The following STPG1 variants were observed in gnomAD, a reference collection of about 807,000 sequenced individuals.
STPG1 encodes O(6)-methylguanine-induced apoptosis 2.
In STPG1, 33 loss-of-function variants were observed where a neutral mutation model predicts 40.1. That is an observed-to-expected ratio of 0.82 (90% CI 0.62 to 1.10). The LOEUF (loss-of-function observed/expected upper bound fraction) is 1.10, where lower values mean the gene tolerates loss of function less well. Among genes scored for constraint, STPG1 ranks in the 50% least tolerant of loss-of-function variants. The pLI is 0.00. For synonymous variants in STPG1, 150 were observed against 155.0 expected, an observed-to-expected ratio of 0.97 and a Z score of 0.24; for missense variants, 396 against 415.1, an observed-to-expected ratio of 0.95 and a Z score of 0.40.
Position 24,379,228 on chromosome 1 carries a change from C to T in STPG1, c.462+425G>A, listed in dbSNP as rs890399320. ...GTGAATACAAAGCGATCATAATTGG[C>T]ACAGCAGGGCACGACTGTTAAAACA... is the stretch of plus-strand genomic sequence containing the variant. On this transcript the variant is annotated intron_variant, in intron 5 of 8. Coordinates refer to ENST00000337248, the MANE Select transcript of STPG1 (RefSeq NM_001199013.2). The T allele has an allele frequency of 2.8e-5, 5 of 178,380 alleles. No individual in the cohort carries two copies. In the South Asian group the frequency reaches 5.1e-4, roughly 18 times the overall value. The allele number at this position is 178,380 out of a possible 1,614,324, so 11.0% of individuals were successfully genotyped here. A position where few individuals can be genotyped will look rare whatever the true frequency, so the allele number is the denominator to read the frequency against.
At chr1:24,392,923 A>G (rs1246800786) in intron 2 of STPG1, among the ~76,000 whole-genome samples, 3 of 152,194 alleles carry the variant, frequency 2.0e-5, no homozygotes, top group Admixed American at 2.0e-4. Flanking sequence ...GGTGGTTTGT[A>G]TGGAAACTAT....
In STPG1 at chr1:24,373,748, T is replaced by A; in HGVS notation, c.525A>T (p.Lys175Asn). ...CAAAAGCGAAAGATCCTCTTTGGGTTTTTGACATAAACCCGGCTCGAGTAC... is the reference window on the plus strand; with the variant it reads ...CAAAAGCGAAAGATCCTCTTTGGGTATTTGACATAAACCCGGCTCGAGTAC... ...NVCTRAGFMSKTQRGSFAFAD... is the reference protein window; with the variant it reads ...NVCTRAGFMSNTQRGSFAFAD... Residue 175 changes from lysine to asparagine, a missense_variant, in exon 6 of 9, where the codon AAA (lysine) becomes AAT (asparagine). Coordinates refer to ENST00000337248, the MANE Select transcript of STPG1 (RefSeq NM_001199013.2). 2 of 1,612,876 alleles carry A rather than the reference T, an allele frequency of 1.2e-6. No homozygotes were observed.
Position 24,369,912 on chromosome 1 carries a change from A to C in STPG1, c.572-73T>G, listed in dbSNP as rs113818443. On this transcript the variant is annotated intron_variant, in intron 6 of 8. Coordinates refer to ENST00000337248, the MANE Select transcript of STPG1 (RefSeq NM_001199013.2). ...AAATAAAAAGCAGTACCTTACCCCTAAGAACACACCTGATGGCTGCAAGGC... is the reference window on the plus strand; with the variant it reads ...AAATAAAAAGCAGTACCTTACCCCTCAGAACACACCTGATGGCTGCAAGGC... The C allele has an allele frequency of 1.1e-4, 145 of 1,346,716 alleles. No individual in the cohort carries two copies. In the African/African-American group the frequency reaches 1.7e-3, roughly 16 times the overall value. The allele number at this position is 1,346,716 out of a possible 1,614,324, so 83.4% of individuals were successfully genotyped here.
chr1:24,405,486 G>A (rs1381277976), intron 1 of STPG1, among the ~76,000 whole-genome samples: 2 of 152,064 alleles, frequency 1.3e-5, no homozygotes, highest in Non-Finnish European at 1.5e-5. Context: ...TTGTTGATTT[G>A]AATTTTCCTT....
chr1:24,362,915 G>A (rs959622433), intron 7 of STPG1, among the ~76,000 whole-genome samples: 2 of 152,216 alleles, frequency 1.3e-5, no homozygotes, highest in African/African-American at 4.8e-5. Flanking sequence ...GTTACAGGGT[G>A]TAATCAACAA....
At chr1:24,390,124 G>T (rs1360142704) in intron 3 of STPG1, among the ~76,000 whole-genome samples, 1 of 152,170 alleles carries the variant, frequency 6.6e-6, no homozygotes, top group Non-Finnish European at 1.5e-5. Context: ...ACCATTTTTA[G>T]AGTGCAGCAA....
intron 3 of STPG1, among the ~76,000 whole-genome samples, chr1:24,386,689 G>A (rs1285678974): frequency 1.3e-5 from 2 of 152,192 alleles, no homozygotes; most frequent in South Asian, 2.1e-4. Context: ...GAGGCCTTTC[G>A]CCTGTGCAAA....
chr1:24,377,908 T>C (rs2148693699), intron 5 of STPG1, among the ~76,000 whole-genome samples: 1 of 152,356 alleles, frequency 6.6e-6, no homozygotes, highest in African/African-American at 2.4e-5. Context: ...CTCTTCTTTA[T>C]ACTGGGAACA....
chr1:24,358,628 G>A lies in STPG1; in HGVS notation c.929-9C>T. The A allele has an allele frequency of 6.2e-7, 1 of 1,606,640 alleles. No individual in the cohort carries two copies. The highest frequency in any genetic ancestry group is 8.5e-7 in the Non-Finnish European group (1 of 1,173,574). On this transcript the variant is annotated splice_polypyrimidine_tract_variant and intron_variant, in intron 8 of 8. Coordinates refer to ENST00000337248, the MANE Select transcript of STPG1 (RefSeq NM_001199013.2). ...CTCTGGCTTGTACGTAGCTGTGAGGGGACAGAGAGGCGGAGGCATTAAGAG... is the reference window on the plus strand; with the variant it reads ...CTCTGGCTTGTACGTAGCTGTGAGGAGACAGAGAGGCGGAGGCATTAAGAG...
At position 24,412,906 on chromosome 1, in the gene STPG1, T is replaced by C. The variant is rs138166850; in HGVS notation, c.-69+768A>G. ...AGGCACAGTTTCATTTTATCATCTC[T>C]TGTGTTTTTAAAAAACGTTATATAT... On this transcript the variant is annotated intron_variant, in intron 1 of 8. Coordinates refer to ENST00000337248, the MANE Select transcript of STPG1 (RefSeq NM_001199013.2). Among the ~76,000 whole-genome samples, 63 of 152,326 alleles carry C rather than the reference T, an allele frequency of 4.1e-4. No homozygotes were observed. In the East Asian group the frequency reaches 0.012, roughly 28 times the overall value.
At chr1:24,381,276 A>T (rs1053995708) in intron 4 of STPG1, among the ~76,000 whole-genome samples, 5 of 152,238 alleles carry the variant, frequency 3.3e-5, no homozygotes, top group Non-Finnish European at 4.4e-5. Context: ...CATTTTGAAA[A>T]TGAAAAAACT....
At chr1:24,386,118 A>G (rs921845172) in intron 3 of STPG1, among the ~76,000 whole-genome samples, 17 of 152,350 alleles carry the variant, frequency 1.1e-4, no homozygotes, top group African/African-American at 3.6e-4. Flanking sequence ...CAGTTAAATT[A>G]GAATTTCAGA....
At chr1:24,388,144 C>T (rs927988682) in intron 3 of STPG1, among the ~76,000 whole-genome samples, 7 of 152,014 alleles carry the variant, frequency 4.6e-5, no homozygotes, top group African/African-American at 1.5e-4. Context: ...AATACTCATT[C>T]CTGGCAAGGG....
chr1:24,388,217 A>T (rs536749019), intron 3 of STPG1, among the ~76,000 whole-genome samples: 29 of 152,292 alleles, frequency 1.9e-4, no homozygotes, highest in Middle Eastern at 3.4e-3. Flanking sequence ...AAAGACATTA[A>T]GTGGTGTCCT....
intron 3 of STPG1, among the ~76,000 whole-genome samples, chr1:24,390,839 A>G (rs919331796): frequency 6.6e-6 from 1 of 150,648 alleles, no homozygotes; most frequent in Non-Finnish European, 1.5e-5. Context: ...TAGCTCTGTC[A>G]CCCAGGCTAG....
intron 7 of STPG1, among the ~76,000 whole-genome samples, chr1:24,366,227 G>A (rs1313422601): frequency 2.0e-5 from 3 of 152,150 alleles, no homozygotes; most frequent in South Asian, 2.1e-4. Flanking sequence ...GAAACATGGC[G>A]GCAAGTCACC....
intron 3 of STPG1, 69 bp from the exon 4 acceptor site, chr1:24,384,072 A>G (rs750650024): frequency 2.1e-6 from 2 of 955,300 alleles, no homozygotes; most frequent in Non-Finnish European, 3.4e-6. Context: ...CAGGCTTTAC[A>G]TCCATTAACA....
At chr1:24,385,924 C>T (rs1041481124) in intron 3 of STPG1, among the ~76,000 whole-genome samples, 1 of 152,148 alleles carries the variant, frequency 6.6e-6, no homozygotes, top group Non-Finnish European at 1.5e-5. Flanking sequence ...CAGGAAGTGT[C>T]ACTGTGACTC....
intron 1 of STPG1, among the ~76,000 whole-genome samples, chr1:24,404,492 C>G (rs866758839): frequency 1.1e-4 from 17 of 152,218 alleles, no homozygotes; most frequent in African/African-American, 3.6e-4. Context: ...GCACAGTTTG[C>G]GTAAAATTGG....
Sources: gnomAD v4.1 joint callset for allele counts (sites outside exome capture counted in the v4.1 genomes callset) on GRCh38, gnomAD v4.1.1 for gene constraint, MANE v1.5 for transcripts, NCBI Gene and HGNC (gene_info 2026-07-23, HGNC 2026-07-21) for gene names.